The following DYNC2H1 variants were observed in gnomAD, a reference collection of about 807,000 sequenced individuals.
The protein encoded by DYNC2H1 is dynein cytoplasmic 2 heavy chain 1.
A neutral mutation model predicts 570.0 loss-of-function variants in DYNC2H1; 410 were observed. The ratio of observed to expected loss-of-function variants is 0.72; its 90% CI spans 0.66 to 0.78. The LOEUF (loss-of-function observed/expected upper bound fraction) is 0.78. Ranked by LOEUF, DYNC2H1 falls within the 30% of genes least tolerant of loss-of-function variation. DYNC2H1 has a pLI of 0.00. For synonymous variants in DYNC2H1, 1,688 were observed against 1,677.6 expected, an observed-to-expected ratio of 1.01 and a Z score of -0.15; for missense variants, 4,865 against 5,046.4, an observed-to-expected ratio of 0.96 and a Z score of 1.09.
intron 47 of DYNC2H1, among the ~76,000 whole-genome samples, chr11:103,193,677 G>A (rs957194376): frequency 6.6e-6 from 1 of 151,836 alleles, no homozygotes; most frequent in African/African-American, 2.4e-5. Flanking sequence ...CCGAGTAGCT[G>A]GTATTACAGG....
At chr11:103,358,926 T>TA (rs1940498196) in intron 83 of DYNC2H1, among the ~76,000 whole-genome samples, 1 of 152,224 alleles carries the variant, frequency 6.6e-6, no homozygotes, top group African/African-American at 2.4e-5. Flanking sequence ...GTTCACCTCT[T>TA]ACTAAACAGA....
rs747889821 is a variant in DYNC2H1 at position 103,436,049 on chromosome 11, T to C, written c.12456+17T>C. On this transcript the variant is annotated intron_variant, in intron 85 of 88. Transcript: ENST00000375735. ...GCAATACAGGTATGCCTAAATTATT[T>C]ACTAAGTGGGTTGTCTGACTGTGTG... is the stretch of plus-strand genomic sequence containing the variant. 3.7e-5 allele frequency: 59 copies of C among 1,608,956 alleles called. No homozygotes were observed. Among genetic ancestry groups the C allele is most frequent in the Admixed American group, 8.4e-5 (5 of 59,710 alleles).
Position 103,465,295 on chromosome 11 carries a change from G to T in DYNC2H1, c.12649-3294G>T, listed in dbSNP as rs1384357488. On this transcript the variant is annotated intron_variant, in intron 87 of 88. Coordinates refer to ENST00000375735, the MANE Select transcript of DYNC2H1 (RefSeq NM_001377.3). The surrounding 1 kb of genome is among the most constrained non-coding windows in gnomAD (Gnocchi z 4.9). Reference sequence around the variant, plus strand: ...AGATATACATTTCAGTCGTGATCACGCAGATAATTTGAGAAGTGGAAAAAT... The same window carrying T: ...AGATATACATTTCAGTCGTGATCACTCAGATAATTTGAGAAGTGGAAAAAT... Among the ~76,000 whole-genome samples, 2 of 152,078 alleles carry T rather than the reference G, an allele frequency of 1.3e-5. No homozygotes were observed. The highest frequency in any genetic ancestry group is 2.9e-5 in the Non-Finnish European group (2 of 68,002).
intron 9 of DYNC2H1, 45 bp from the exon 10 acceptor site, chr11:103,121,327 C>G (rs1461003529): frequency 3.3e-6 from 5 of 1,536,786 alleles, no homozygotes; most frequent in Admixed American, 4.1e-5. Flanking sequence ...TTTAGGAAAT[C>G]TTTGCTAATT....
At chr11:103,197,831 T>C in intron 47 of DYNC2H1, 102 bp from the exon 48 acceptor site, 2 of 1,290,776 alleles carry the variant, frequency 1.5e-6, no homozygotes, top group Non-Finnish European at 2.1e-6. Context: ...GAGATGATCT[T>C]ATTTGGATTA....
Position 103,151,037 on chromosome 11 carries a change from A to C in DYNC2H1, c.2947-1099A>C, listed in dbSNP as rs148054262. On this transcript the variant is annotated intron_variant, in intron 20 of 88. Coordinates refer to ENST00000375735, the MANE Select transcript of DYNC2H1 (RefSeq NM_001377.3). The surrounding 1 kb of genome is among the most constrained non-coding windows in gnomAD (Gnocchi z 4.6). ...TATATAATTCTCTTTTGGTATGTCT[A>C]TTTGTTGGTATGTGGATTTGAGGGG... 6.6e-6 allele frequency among the ~76,000 whole-genome samples: 1 copy of C among 151,956 alleles called. No individual in the cohort carries two copies. The highest frequency in any genetic ancestry group is 1.5e-5 in the Non-Finnish European group (1 of 67,988).
chr11:103,136,182 C>A (rs1159010006), intron 17 of DYNC2H1, among the ~76,000 whole-genome samples: 3 of 149,554 alleles, frequency 2.0e-5, no homozygotes, highest in South Asian at 4.3e-4. Context: ...AATTGAGAAA[C>A]TTGTTTTTTT....
chr11:103,466,728 A>G (rs1178564259), intron 87 of DYNC2H1, among the ~76,000 whole-genome samples: 1 of 152,206 alleles, frequency 6.6e-6, no homozygotes. Flanking sequence ...CATGCTCATC[A>G]GATTGACAGA....
intron 85 of DYNC2H1, among the ~76,000 whole-genome samples, chr11:103,443,183 C>G (rs188163525): frequency 6.6e-6 from 1 of 152,094 alleles, no homozygotes; most frequent in Admixed American, 6.5e-5. Context: ...AGGTTGTGAA[C>G]AAAACATTGT....
At chr11:103,473,817 T>A (rs1011327690) in intron 88 of DYNC2H1, among the ~76,000 whole-genome samples, 2 of 152,194 alleles carry the variant, frequency 1.3e-5, no homozygotes, top group African/African-American at 4.8e-5. Flanking sequence ...AACACAGTAG[T>A]CCTGAGCCAG....
intron 57 of DYNC2H1, among the ~76,000 whole-genome samples, chr11:103,221,303 A>G (rs1293572945): frequency 6.6e-6 from 1 of 152,194 alleles, no homozygotes. Context: ...TTGTGCCGAT[A>G]TTAAGTTCCT....
chr11:103,180,383 T>C (rs1861799293), intron 39 of DYNC2H1, among the ~76,000 whole-genome samples: 1 of 151,700 alleles, frequency 6.6e-6, no homozygotes, highest in East Asian at 1.9e-4. Flanking sequence ...ATACAATTTA[T>C]ACAAGTGGAA....
chr11:103,299,726 ATCT>A lies in DYNC2H1; in HGVS notation c.11096-3362_11096-3360del, dbSNP rs1335192260. 6.6e-6 allele frequency among the ~76,000 whole-genome samples: 1 copy of A among 152,098 alleles called. No individual in the cohort carries two copies. The highest frequency in any genetic ancestry group is 1.5e-5 in the Non-Finnish European group (1 of 67,982). ...TGGCCCACCTGAATAACACAGGATA[ATCT>A]TCTTACTTTTAGGTTCATGACCTTA... On this transcript the variant is annotated intron_variant, in intron 75 of 88. Transcript: ENST00000375735. The surrounding 1 kb of genome is among the most constrained non-coding windows in gnomAD (Gnocchi z 4.5).
intron 83 of DYNC2H1, among the ~76,000 whole-genome samples, chr11:103,381,047 C>T (rs1010910823): frequency 2.6e-5 from 4 of 152,034 alleles, no homozygotes; most frequent in Non-Finnish European, 5.9e-5. Context: ...AAGAAGGGAG[C>T]ATGGAGGTGA....
At position 103,203,760 on chromosome 11, in the gene DYNC2H1, C is replaced by T; in HGVS notation, c.8295C>T (p.Phe2765=). Residue 2765 remains phenylalanine (F), a synonymous_variant, in exon 51 of 89, where the codon TTC becomes TTT. Transcript: ENST00000375735. This position sits in a 1 kb window ranked among gnomAD's most constrained non-coding sequence, Gnocchi z 4.7. ...ASQDGFFGPV[F]NYFTYRIQQN... is the part of the protein sequence containing the mutation. ...AAGATGGTTTTTTTGGACCAGTCTT[C>T]AATTACTTCACATATAGTAAGTGAC... The T allele has an allele frequency of 1.2e-6, 2 of 1,606,778 alleles. No homozygotes were observed. Among genetic ancestry groups the T allele is most frequent in the Non-Finnish European group, 1.7e-6 (2 of 1,175,864 alleles).
At position 103,113,528 on chromosome 11, in the gene DYNC2H1, T is replaced by C. The variant is rs750604344; in HGVS notation, c.196-9T>C. 4 of 1,505,096 alleles carry C rather than the reference T, an allele frequency of 2.7e-6. No homozygotes were observed. The highest frequency in any genetic ancestry group is 3.5e-6 in the Non-Finnish European group (4 of 1,133,400). 93.2% of individuals were successfully genotyped at this position (1,505,096 alleles called of 1,614,324 possible). On this transcript the variant is annotated splice_polypyrimidine_tract_variant and intron_variant, in intron 1 of 88. Coordinates refer to ENST00000375735, the MANE Select transcript of DYNC2H1 (RefSeq NM_001377.3). The stretch of plus-strand genomic sequence containing the variant: ...TGAAGATAACATTAAAAATCATTTA[T>C]CACTTTAGATTGAGTTTGGTGACAC...
intron 83 of DYNC2H1, among the ~76,000 whole-genome samples, chr11:103,374,880 A>G (rs1389445543): frequency 6.6e-6 from 1 of 152,188 alleles, no homozygotes; most frequent in Non-Finnish European, 1.5e-5. Context: ...GAGAAATTCA[A>G]ACCAGCTATA....
At chr11:103,473,577 T>A (rs1323729373) in intron 88 of DYNC2H1, among the ~76,000 whole-genome samples, 1 of 152,192 alleles carries the variant, frequency 6.6e-6, no homozygotes. Flanking sequence ...GAAAGTCTTA[T>A]ATTAACATCT....
chr11:103,179,088 T>G lies in DYNC2H1; in HGVS notation c.6202T>G (p.Ser2068Ala). ...CCCTGAATGGATAGAATCTCTGAATTCTGTTCTGGATGATAATCGACTGCT... is the reference window on the plus strand; with the variant it reads ...CCCTGAATGGATAGAATCTCTGAATGCTGTTCTGGATGATAATCGACTGCT... ...IDPEWIESLN[S>A]VLDDNRLLTM... The change falls in exon 39 of 89, where the codon TCT (serine) becomes GCT (alanine). Residue 2068 changes from serine to alanine, a missense_variant. This residue lies in a region of DYNC2H1 where 231 missense variants were observed against 310.3 expected (regional missense o/e 0.74). Transcript: ENST00000375735. 6.2e-7 allele frequency: 1 copy of G among 1,612,866 alleles called. No individual in the cohort carries two copies. Among genetic ancestry groups the G allele is most frequent in the Non-Finnish European group, 8.5e-7 (1 of 1,179,144 alleles).
Sources: allele counts gnomAD v4.1 joint callset (sites outside exome capture counted in the v4.1 genomes callset), GRCh38; gene constraint gnomAD v4.1.1; regional missense constraint gnomAD v4.1.1; non-coding constraint Gnocchi (gnomAD v3.1); transcripts MANE v1.5; gene names NCBI Gene and HGNC (gene_info 2026-07-23, HGNC 2026-07-21).